PRKN: variants seen among roughly 807,000 people sequenced by gnomAD.
The protein encoded by PRKN is E3 ubiquitin-protein ligase parkin.
PRKN carries 56 observed loss-of-function variants against 59.5 expected under a neutral mutation model. That is an observed-to-expected ratio of 0.94 (90% confidence interval 0.76 to 1.18). PRKN has a LOEUF of 1.18. PRKN is among the 50% of genes most tolerant of loss of function. The probability of loss-of-function intolerance (pLI) is 0.00; values close to 1 mark genes in which losing one functional copy is unlikely to be tolerated. For missense variants in PRKN, 657 were observed against 596.4 expected, an observed-to-expected ratio of 1.10 and a Z score of -1.06; for synonymous variants, 250 against 222.1, an observed-to-expected ratio of 1.13 and a Z score of -1.12.
At chr6:162,723,649 T>C (rs1369055197) in intron 1 of PRKN, among the ~76,000 whole-genome samples, 1 of 152,188 alleles carries the variant, frequency 6.6e-6, no homozygotes, top group Non-Finnish European at 1.5e-5. Context: ...TGGAAAAATT[T>C]TGAAATACCT....
chr6:162,397,038 G>T (rs950184613), intron 2 of PRKN, among the ~76,000 whole-genome samples: 2 of 152,130 alleles, frequency 1.3e-5, no homozygotes, highest in African/African-American at 4.8e-5. Context: ...ACCGAGGACA[G>T]CGCAATAAGG....
rs150968896 is a variant in PRKN at position 162,019,342 on chromosome 6, C to A, written c.618+34749G>T. ...AGAGTGTCATTAGAATCTCCAGAACCATGTAAGACATGGGCTAAGGAGCTG... is the reference window on the plus strand; with the variant it reads ...AGAGTGTCATTAGAATCTCCAGAACAATGTAAGACATGGGCTAAGGAGCTG... On this transcript the variant is annotated intron_variant, in intron 5 of 11. Transcript: ENST00000366898. Among the ~76,000 whole-genome samples the A allele has an allele frequency of 7.2e-5, 11 of 152,212 alleles. No individual in the cohort carries two copies. In the East Asian group the frequency reaches 2.1e-3, roughly 29 times the overall value.
chr6:161,374,478 G>A (rs1159963131), intron 10 of PRKN, among the ~76,000 whole-genome samples: 4 of 146,096 alleles, frequency 2.7e-5, no homozygotes, highest in East Asian at 2.1e-4. Context: ...TGTGTGATGG[G>A]TGTGTGGTGT....
chr6:161,905,765 A>C (rs1011937848), intron 6 of PRKN, among the ~76,000 whole-genome samples: 7 of 151,936 alleles, frequency 4.6e-5, no homozygotes, highest in Non-Finnish European at 8.8e-5. Flanking sequence ...ATTCAAGACC[A>C]GCCTGGCCAA....
chr6:162,361,859 G>A (rs1785158110), intron 2 of PRKN, among the ~76,000 whole-genome samples: 2 of 152,076 alleles, frequency 1.3e-5, no homozygotes, highest in Admixed American at 1.3e-4. Context: ...AAACCTTGAG[G>A]CCATTAACTA....
rs117380081 is a variant in PRKN, at chr6:161,508,650, C to G, written c.1083+40204G>C. Among the ~76,000 whole-genome samples the G allele has an allele frequency of 3.2e-3, 494 of 152,256 alleles. 3 individuals carry two copies. The highest frequency in any genetic ancestry group is 0.016 in the South Asian group (77 of 4,826). ...TCCCTTTTCCTCAGACTTCATAAAT[C>G]CAATTCCTCAAGCCGATCCTCACAG... On this transcript the variant is annotated intron_variant, in intron 9 of 11. Transcript: ENST00000366898.
chr6:162,180,520 A>G (rs997959086), intron 4 of PRKN, among the ~76,000 whole-genome samples: 1 of 152,184 alleles, frequency 6.6e-6, no homozygotes, highest in African/African-American at 2.4e-5. Context: ...ACATATACCA[A>G]GAACCTTATT....
intron 5 of PRKN, among the ~76,000 whole-genome samples, chr6:162,001,439 G>A (rs891005494): frequency 1.1e-4 from 16 of 151,908 alleles, no homozygotes; most frequent in African/African-American, 2.7e-4. Flanking sequence ...TTCTTAATCC[G>A]AAATTCCACT....
At chr6:162,442,803 G>A (rs930415322) in intron 2 of PRKN, among the ~76,000 whole-genome samples, 2 of 152,048 alleles carry the variant, frequency 1.3e-5, no homozygotes, top group Admixed American at 6.6e-5. Context: ...CCTGGCCAAG[G>A]AGTGCCCAAA....
In PRKN at chr6:162,311,481, C is replaced by CTT. The variant is rs397886856; in HGVS notation, c.172-48718_172-48717dup. On this transcript the variant is annotated intron_variant, in intron 2 of 11. Transcript: ENST00000366898. Reference sequence around the variant, plus strand: ...TGTTTAAGTAATAATAATTTTTTTCCTTTTTTTTTTTTTTTTTTTGAGACA... The same window carrying CTT: ...TGTTTAAGTAATAATAATTTTTTTCCTTTTTTTTTTTTTTTTTTTTTGAGACA... Among the ~76,000 whole-genome samples the CTT allele has an allele frequency of 4.6e-3, 593 of 128,506 alleles. 19 individuals carry two copies. Among genetic ancestry groups the CTT allele is most frequent in the African/African-American group, 0.013 (421 of 33,594 alleles). The allele number at this position is 128,506 out of a possible 152,430, so 84.3% of individuals were successfully genotyped here.
intron 1 of PRKN, among the ~76,000 whole-genome samples, chr6:162,619,937 C>T (rs1243475552): frequency 1.3e-5 from 2 of 152,074 alleles, no homozygotes; most frequent in Non-Finnish European, 2.9e-5. Flanking sequence ...TTCTCTCTCA[C>T]AATATTTTTT....
chr6:161,952,242 T>A (rs895769598), intron 6 of PRKN, among the ~76,000 whole-genome samples: 7 of 152,184 alleles, frequency 4.6e-5, no homozygotes, highest in African/African-American at 1.7e-4. Context: ...AGATGAATGA[T>A]CACAGAGTAG....
At position 161,396,631 on chromosome 6, in the gene PRKN, A is replaced by T. The variant is rs1040333262; in HGVS notation, c.1084-9754T>A. ...TTTTAACTGGTCCCTAATCCTCGTGACCTTATCATTTACAATCTGCAGCAA... is the reference window on the plus strand; with the variant it reads ...TTTTAACTGGTCCCTAATCCTCGTGTCCTTATCATTTACAATCTGCAGCAA... On this transcript the variant is annotated intron_variant, in intron 9 of 11. Transcript: ENST00000366898. This position sits in a 1 kb window ranked among gnomAD's most constrained non-coding sequence, Gnocchi z 5.4. Among the ~76,000 whole-genome samples the T allele has an allele frequency of 2.0e-5, 3 of 152,264 alleles. No individual in the cohort carries two copies.
chr6:161,952,488 G>A lies in PRKN; in HGVS notation c.734+20814C>T, dbSNP rs188896570. On this transcript the variant is annotated intron_variant, in intron 6 of 11. Coordinates refer to ENST00000366898, the MANE Select transcript of PRKN (RefSeq NM_004562.3). ...CAAAAAATTAGCTGGGGATGGTGGC[G>A]CACATCTGTGGTTTCAGCCAGTTGG... Among the ~76,000 whole-genome samples the A allele has an allele frequency of 1.4e-4, 21 of 152,200 alleles. No homozygotes were observed. The East Asian group carries it at 2.9e-3, about 21-fold the overall frequency.
At chr6:161,679,389 G>C (rs1307893649) in intron 7 of PRKN, among the ~76,000 whole-genome samples, 1 of 152,050 alleles carries the variant, frequency 6.6e-6, no homozygotes, top group Non-Finnish European at 1.5e-5. Context: ...AGCTAGGCTG[G>C]AAACACCTGG....
Position 161,440,487 on chromosome 6 carries a change from C to T in PRKN, c.1084-53610G>A. 6.6e-6 allele frequency among the ~76,000 whole-genome samples: 1 copy of T among 152,152 alleles called. No individual in the cohort carries two copies. The highest frequency in any genetic ancestry group is 1.9e-4 in the East Asian group (1 of 5,174). On this transcript the variant is annotated intron_variant, in intron 9 of 11. Transcript: ENST00000366898. This position sits in a 1 kb window ranked among gnomAD's most constrained non-coding sequence, Gnocchi z 4.1. The stretch of plus-strand genomic sequence containing the variant: ...GAAGCCTGGCATTTCCCCATTGCTG[C>T]CTCTGGGAGGCTGCCTCTCGGGATA...
chr6:162,345,757 T>C (rs750442268), intron 2 of PRKN, among the ~76,000 whole-genome samples: 7 of 152,208 alleles, frequency 4.6e-5, no homozygotes, highest in Non-Finnish European at 1.0e-4. Flanking sequence ...ATCGTTATAT[T>C]CTTTTGAGCT....
rs1000629691 is a variant in PRKN at position 161,552,481 on chromosome 6, C to T, written c.934-3478G>A. Among the ~76,000 whole-genome samples, 1 of 46,280 alleles carries T rather than the reference C, an allele frequency of 2.2e-5. No individual in the cohort carries two copies. Among genetic ancestry groups the T allele is most frequent in the African/African-American group, 6.7e-5 (1 of 14,988 alleles). The allele number at this position is 46,280 out of a possible 152,430, so 30.4% of individuals were successfully genotyped here. Reference sequence around the variant, plus strand: ...CTCCGCCTATGACTGTGAATGATCTCACGGTGATCCTCCAAGCCCCTCTCC... The same window carrying T: ...CTCCGCCTATGACTGTGAATGATCTTACGGTGATCCTCCAAGCCCCTCTCC... On this transcript the variant is annotated intron_variant, in intron 8 of 11. Transcript: ENST00000366898. This position sits in a 1 kb window ranked among gnomAD's most constrained non-coding sequence, Gnocchi z 4.9.
chr6:162,319,110 A>G (rs1423555765), intron 2 of PRKN, among the ~76,000 whole-genome samples: 1 of 152,150 alleles, frequency 6.6e-6, no homozygotes, highest in South Asian at 2.1e-4. Context: ...TTAAGTCACA[A>G]ATTGATTTTT....
Sources: allele counts gnomAD v4.1 joint callset (sites outside exome capture counted in the v4.1 genomes callset), GRCh38; gene constraint gnomAD v4.1.1; non-coding constraint Gnocchi (gnomAD v3.1); transcripts MANE v1.5; gene names NCBI Gene and HGNC (gene_info 2026-07-23, HGNC 2026-07-21).